The following FSTL4 variants were observed in gnomAD, a reference collection of about 807,000 sequenced individuals.
The protein encoded by FSTL4 is follistatin-related protein 4.
A neutral mutation model predicts 78.2 loss-of-function variants in FSTL4; 28 were observed. The ratio of observed to expected loss-of-function variants is 0.36; its 90% CI spans 0.27 to 0.49. FSTL4 has a LOEUF of 0.49. Among genes scored for constraint, FSTL4 ranks in the 20% least tolerant of loss-of-function variants. FSTL4 has a pLI of 0.98. For missense variants in FSTL4, 922 were observed against 1,084.9 expected, an observed-to-expected ratio of 0.85 and a Z score of 2.11; for synonymous variants, 422 against 440.5, an observed-to-expected ratio of 0.96 and a Z score of 0.53.
the FSTL4 span, among the ~76,000 whole-genome samples, chr5:133,715,243 ACT>A: frequency 6.6e-6 from 1 of 152,160 alleles, no homozygotes; most frequent in African/African-American, 2.4e-5. Flanking sequence ...AAAATAATAA[ACT>A]CACACATATA....
At chr5:133,309,843 T>C (rs1318499281) in intron 6 of FSTL4, among the ~76,000 whole-genome samples, 1 of 152,110 alleles carries the variant, frequency 6.6e-6, no homozygotes, top group African/African-American at 2.4e-5. Context: ...GCCAGCAAAA[T>C]AGAGACTAGA....
intron 3 of FSTL4, among the ~76,000 whole-genome samples, chr5:133,452,873 C>G (rs1373961066): frequency 3.3e-5 from 5 of 152,246 alleles, no homozygotes; most frequent in African/African-American, 1.2e-4. Context: ...AGGATGATGA[C>G]AGTTCTTTAT....
chr5:133,603,496 T>C (rs1343274395), intron 2 of FSTL4, among the ~76,000 whole-genome samples: 1 of 152,238 alleles, frequency 6.6e-6, no homozygotes, highest in Non-Finnish European at 1.5e-5. Context: ...ATAATTAAAA[T>C]ACTTCACTAA....
the FSTL4 span, among the ~76,000 whole-genome samples, chr5:133,696,460 C>T: frequency 0.027 from 4,147 of 152,298 alleles, 189 homozygotes; most frequent in African/African-American, 0.095. Flanking sequence ...AATTCCCCTG[C>T]CTGATCTCCC....
intron 6 of FSTL4, among the ~76,000 whole-genome samples, chr5:133,296,763 T>C (rs1449555714): frequency 6.6e-6 from 1 of 152,246 alleles, no homozygotes; most frequent in African/African-American, 2.4e-5. Context: ...TCCATTGTTG[T>C]TTATCTGTGT....
Position 133,430,040 on chromosome 5 carries a change from T to C in FSTL4, c.161-29054A>G, listed in dbSNP as rs114070624. Among the ~76,000 whole-genome samples, 566 of 152,292 alleles carry C rather than the reference T, an allele frequency of 3.7e-3. 2 individuals carry two copies. The highest frequency in any genetic ancestry group is 5.6e-3 in the Non-Finnish European group (380 of 68,030). On this transcript the variant is annotated intron_variant, in intron 3 of 15. Transcript: ENST00000265342. The stretch of plus-strand genomic sequence containing the variant: ...GCTCATAATTAGTACTTGAGAAAGA[T>C]TGGACAGCCATAAGATATACAAAGC...
intron 4 of FSTL4, among the ~76,000 whole-genome samples, chr5:133,365,668 G>A (rs1307195931): frequency 6.6e-6 from 1 of 152,208 alleles, no homozygotes; most frequent in Non-Finnish European, 1.5e-5. Context: ...CCGAGCTGAC[G>A]CTCCCTGTGA....
intron 3 of FSTL4, among the ~76,000 whole-genome samples, chr5:133,517,447 A>AAAAAAATATATATATATATATATAT (rs1554068019): frequency 6.1e-5 from 1 of 16,408 alleles, no homozygotes; most frequent in Non-Finnish European, 1.0e-4. Context: ...AAAAAAAAAA[A>AAAAAAATATATATATATATATATAT]ATATATATAT....
At chr5:133,603,791 A>T (rs1339222905) in intron 2 of FSTL4, 67 bp downstream of exon 2, 5 of 1,520,948 alleles carry the variant, frequency 3.3e-6, no homozygotes, top group Admixed American at 3.4e-5. Context: ...GTGGAGGGGA[A>T]ATCAGATACT....
At chr5:133,495,756 G>T (rs536568626) in intron 3 of FSTL4, among the ~76,000 whole-genome samples, 49 of 152,156 alleles carry the variant, frequency 3.2e-4, no homozygotes, top group Non-Finnish European at 6.6e-4. Context: ...ATTTGCATTT[G>T]GGTGGCCACC....
chr5:133,669,373 C>T, the FSTL4 span, among the ~76,000 whole-genome samples: 3 of 152,236 alleles, frequency 2.0e-5, no homozygotes, highest in Non-Finnish European at 2.9e-5. Flanking sequence ...CTCATCCTCC[C>T]TGAGCACTTC....
At chr5:133,607,899 G>A (rs750519917) in intron 1 of FSTL4, among the ~76,000 whole-genome samples, 21 of 148,036 alleles carry the variant, frequency 1.4e-4, no homozygotes, top group Non-Finnish European at 2.5e-4. Context: ...GAAAAAATAC[G>A]GTAGAAGGAA....
chr5:133,543,828 C>T (rs1439713154), intron 3 of FSTL4, among the ~76,000 whole-genome samples: 1 of 151,324 alleles, frequency 6.6e-6, no homozygotes, highest in Non-Finnish European at 1.5e-5. Flanking sequence ...TCTATTTTTT[C>T]TGCCTTTTCT....
chr5:133,233,928 C>T (rs1751582189), intron 7 of FSTL4, among the ~76,000 whole-genome samples: 3 of 152,126 alleles, frequency 2.0e-5, no homozygotes, highest in Admixed American at 2.0e-4. Flanking sequence ...GGAGGCCAGG[C>T]CTTGTTTAGA....
chr5:133,649,335 G>T, the FSTL4 span, among the ~76,000 whole-genome samples: 2 of 152,130 alleles, frequency 1.3e-5, no homozygotes, highest in African/African-American at 2.4e-5. Context: ...CCATGTGTAG[G>T]TTCTTGTGTA....
At chr5:133,469,641 G>T (rs1360362879) in intron 3 of FSTL4, among the ~76,000 whole-genome samples, 1 of 152,164 alleles carries the variant, frequency 6.6e-6, no homozygotes, top group Non-Finnish European at 1.5e-5. Context: ...GACAGGGTAG[G>T]TACATGCATT....
intron 4 of FSTL4, among the ~76,000 whole-genome samples, chr5:133,355,334 C>A (rs73263735): frequency 6.6e-6 from 1 of 152,194 alleles, no homozygotes; most frequent in Admixed American, 6.5e-5. Flanking sequence ...ACACTAAGCT[C>A]TAGCAGAAAC....
the FSTL4 span, among the ~76,000 whole-genome samples, chr5:133,836,230 CTGTTT>C: frequency 6.6e-6 from 1 of 151,998 alleles, no homozygotes; most frequent in Non-Finnish European, 1.5e-5. Context: ...GTTGTCCTGT[CTGTTT>C]TATGTTTCTT....
chr5:133,299,437 A>G (rs1462305180), intron 6 of FSTL4, among the ~76,000 whole-genome samples: 1 of 152,058 alleles, frequency 6.6e-6, no homozygotes, highest in Non-Finnish European at 1.5e-5. Flanking sequence ...TCCCCTTCAC[A>G]TGGGCTGCCT....
Sources: gnomAD v4.1 joint callset for allele counts (sites outside exome capture counted in the v4.1 genomes callset) on GRCh38, gnomAD v4.1.1 for gene constraint, MANE v1.5 for transcripts, NCBI Gene and HGNC (gene_info 2026-07-23, HGNC 2026-07-21) for gene names.